Variants in GRIA2 observed in about 807,000 individuals in gnomAD.
GRIA2 encodes glutamate receptor 2.
GRIA2 carries 14 observed loss-of-function variants against 97.3 expected under a neutral mutation model. The ratio of observed to expected loss-of-function variants is 0.14; its 90% CI spans 0.10 to 0.23. The LOEUF (loss-of-function observed/expected upper bound fraction) is 0.23, where lower values mean the gene tolerates loss of function less well. GRIA2 is among the 10% of genes least tolerant of loss of function. The pLI, the probability that GRIA2 is intolerant of heterozygous loss-of-function variation, is 1.00. For missense variants in GRIA2, 558 were observed against 1,069.8 expected (o/e 0.52, Z 6.67); for synonymous variants, 412 against 387.8 (o/e 1.06, Z -0.73).
chr4:157,362,679 C>T, intron 14 of GRIA2, 120 bp from the exon 15 acceptor site: 1 of 833,388 alleles, frequency 1.2e-6, no homozygotes, highest in Non-Finnish European at 2.0e-6. Context: ...CATTGTTTCT[C>T]AAATTCAAAT....
chr4:157,244,974 T>A (rs1263075575), intron 2 of GRIA2, among the ~76,000 whole-genome samples: 3 of 152,014 alleles, frequency 2.0e-5, no homozygotes, highest in African/African-American at 7.2e-5. Flanking sequence ...ATTGTCCTAA[T>A]TGCCTTGCCC....
chr4:157,243,201 T>A (rs1222586793), intron 2 of GRIA2, among the ~76,000 whole-genome samples: 1 of 152,088 alleles, frequency 6.6e-6, no homozygotes, highest in Admixed American at 6.6e-5. Context: ...GATTTTGAGG[T>A]TACAAATAAA....
intron 12 of GRIA2, among the ~76,000 whole-genome samples, chr4:157,353,865 T>A (rs1736129810): frequency 6.6e-6 from 1 of 152,140 alleles, no homozygotes. Flanking sequence ...ATTAATCGTA[T>A]AGAAAAATTT....
intron 12 of GRIA2, chr4:157,342,095 C>A (rs1735574384): frequency 1.0e-6 from 1 of 970,502 alleles, no homozygotes; most frequent in Non-Finnish European, 1.2e-6. Flanking sequence ...GCATAATTTT[C>A]TTTCTTTCTA....
intron 2 of GRIA2, among the ~76,000 whole-genome samples, chr4:157,274,327 T>C (rs1303093321): frequency 6.6e-6 from 1 of 152,024 alleles, no homozygotes; most frequent in East Asian, 1.9e-4. Context: ...TAAAATATTT[T>C]ATTTTTTTTC....
At chr4:157,348,692 T>A (rs1164078146) in intron 12 of GRIA2, among the ~76,000 whole-genome samples, 2 of 152,204 alleles carry the variant, frequency 1.3e-5, no homozygotes, top group Non-Finnish European at 2.9e-5. Context: ...AAATTTATAG[T>A]ATCTCTCTCA....
At chr4:157,303,907 T>C (rs1345342804) in intron 3 of GRIA2, 116 bp downstream of exon 3, 7 of 1,064,042 alleles carry the variant, frequency 6.6e-6, no homozygotes, top group Non-Finnish European at 9.7e-6. Flanking sequence ...TCCCTTGGTT[T>C]AATTTTGCTG....
intron 12 of GRIA2, 36 bp downstream of exon 12, chr4:157,341,498 C>A: frequency 1.4e-6 from 2 of 1,426,276 alleles, no homozygotes; most frequent in South Asian, 1.1e-5. Context: ...TGATTTTGTT[C>A]CTGAAATTTA....
chr4:157,331,282 AT>A (rs902318476), intron 6 of GRIA2, among the ~76,000 whole-genome samples: 76 of 151,776 alleles, frequency 5.0e-4, no homozygotes, highest in Admixed American at 2.2e-3. Context: ...AGCTAATCAT[AT>A]TTTTTTTAAT....
At chr4:157,273,222 T>A (rs1469369243) in intron 2 of GRIA2, among the ~76,000 whole-genome samples, 1 of 152,098 alleles carries the variant, frequency 6.6e-6, no homozygotes, top group Admixed American at 6.6e-5. Context: ...TATAATGCAC[T>A]AGAGCATCCA....
chr4:157,335,936 G>T, intron 10 of GRIA2, 59 bp downstream of exon 10: 1 of 1,069,078 alleles, frequency 9.4e-7, no homozygotes, highest in East Asian at 2.6e-5. Context: ...TTGACAGACT[G>T]CTTCCTCTCC....
intron 2 of GRIA2, among the ~76,000 whole-genome samples, chr4:157,274,413 A>T (rs1403284125): frequency 6.6e-6 from 1 of 151,524 alleles, no homozygotes; most frequent in African/African-American, 2.4e-5. Flanking sequence ...CATGTGCACA[A>T]TGTGCAGGTT....
chr4:157,361,434 C>G lies in GRIA2; in HGVS notation c.2406+310C>G. The G allele has an allele frequency of 1.1e-6, 1 of 887,996 alleles. No individual in the cohort carries two copies. Among genetic ancestry groups the G allele is most frequent in the Non-Finnish European group, 1.8e-6 (1 of 560,496 alleles). 55.0% of individuals were successfully genotyped at this position (887,996 alleles called of 1,614,324 possible). The stretch of plus-strand genomic sequence containing the variant: ...CTTACCGTTTGCTTAGGCCAAATGG[C>G]GCATCAATGACTATCGCTCTTACAA... On this transcript the variant is annotated intron_variant, in intron 14 of 15. Coordinates refer to ENST00000264426, the MANE Select transcript of GRIA2 (RefSeq NM_001083619.3). This position sits in a 1 kb window ranked among gnomAD's most constrained non-coding sequence, Gnocchi z 5.2.
At chr4:157,276,462 C>G (rs903075195) in intron 2 of GRIA2, among the ~76,000 whole-genome samples, 1 of 151,782 alleles carries the variant, frequency 6.6e-6, no homozygotes, top group East Asian at 1.9e-4. Context: ...CAAATTTCTA[C>G]TTTAGGAAAC....
chr4:157,286,888 T>C (rs1351548666), intron 2 of GRIA2, among the ~76,000 whole-genome samples: 1 of 151,668 alleles, frequency 6.6e-6, no homozygotes, highest in Non-Finnish European at 1.5e-5. Flanking sequence ...TTGATTACTC[T>C]CACATTCATC....
rs1408798821 is a variant in GRIA2, at chr4:157,355,911, ATATT to A, written c.2044-3984_2044-3981del. 4.0e-4 allele frequency among the ~76,000 whole-genome samples: 23 copies of A among 57,966 alleles called. 2 individuals carry two copies. Among genetic ancestry groups the A allele is most frequent in the African/African-American group, 1.1e-3 (23 of 20,486 alleles). The allele number at this position is 57,966 out of a possible 152,430, so 38.0% of individuals were successfully genotyped here. ...AATATATTTATATATAAATATATAT[ATATT>A]AATATATTTATATATATTTATATAT... On this transcript the variant is annotated intron_variant, in intron 12 of 15. Transcript: ENST00000264426.
intron 12 of GRIA2, among the ~76,000 whole-genome samples, chr4:157,343,930 C>A (rs1735658254): frequency 6.6e-6 from 1 of 151,930 alleles, no homozygotes; most frequent in Non-Finnish European, 1.5e-5. Flanking sequence ...TAATTAGATG[C>A]CATGATGATA....
chr4:157,303,848 C>T lies in GRIA2; in HGVS notation c.469+57C>T. On this transcript the variant is annotated intron_variant, in intron 3 of 15. Transcript: ENST00000264426. ...GGGCGAATTCAATGCCTACACTTGA[C>T]ACTTCTATGGATGTTATAAAGCTAC... 1.9e-6 allele frequency: 3 copies of T among 1,540,818 alleles called. No homozygotes were observed. In the South Asian group the frequency reaches 3.4e-5, roughly 17 times the overall value.
intron 6 of GRIA2, among the ~76,000 whole-genome samples, chr4:157,329,828 G>C (rs1734969767): frequency 6.6e-6 from 1 of 151,870 alleles, no homozygotes; most frequent in Non-Finnish European, 1.5e-5. Context: ...GATTGAAAAG[G>C]TTCCTGGGAC....
Sources: allele counts gnomAD v4.1 joint callset (sites outside exome capture counted in the v4.1 genomes callset), GRCh38; gene constraint gnomAD v4.1.1; non-coding constraint Gnocchi (gnomAD v3.1); transcripts MANE v1.5; gene names NCBI Gene and HGNC (gene_info 2026-07-23, HGNC 2026-07-21).